CDS2: variants seen among roughly 807,000 people sequenced by gnomAD.
The protein encoded by CDS2 is CDP-diacylglycerol synthase 2.
A neutral mutation model predicts 59.0 loss-of-function variants in CDS2; 47 were observed. That is an observed-to-expected ratio of 0.80 (90% CI 0.63 to 1.02). The LOEUF is 1.02. Ranked by LOEUF, CDS2 falls within the 50% of genes least tolerant of loss-of-function variation. CDS2 has a pLI of 0.00. For missense variants in CDS2, 356 were observed against 558.9 expected, an observed-to-expected ratio of 0.64 and a Z score of 3.66; for synonymous variants, 207 against 206.4, an observed-to-expected ratio of 1.00 and a Z score of -0.02.
At chr20:5,136,329 G>A (rs1012407050) in intron 1 of CDS2, among the ~76,000 whole-genome samples, 31 of 152,210 alleles carry the variant, frequency 2.0e-4, no homozygotes, top group East Asian at 1.2e-3. Context: ...CAGATGACTC[G>A]GTTACTCAGG....
intron 1 of CDS2, among the ~76,000 whole-genome samples, chr20:5,153,843 T>G (rs79491594): frequency 0.015 from 2,315 of 152,258 alleles, 62 homozygotes; most frequent in African/African-American, 0.052. Flanking sequence ...TGTTTTTGGT[T>G]TGTGTTTTTG....
intron 2 of CDS2, among the ~76,000 whole-genome samples, chr20:5,174,371 C>G (rs2090978743): frequency 6.6e-6 from 1 of 152,150 alleles, no homozygotes; most frequent in South Asian, 2.1e-4. Flanking sequence ...ACCTGTGCCT[C>G]CATTTCCTCA....
Position 5,127,044 on chromosome 20 carries a change from C to T in CDS2, c.-49C>T, listed in dbSNP as rs1166187617. ...CGTGCCCGCGCCGAGCTGCCTGCTC[C>T]GGCGGCTTCGCTGCTAGCTCGCGGC... On this transcript the variant is annotated 5_prime_UTR_variant, in exon 1 of 13. Transcript: ENST00000460006. 2 of 1,475,510 alleles carry T rather than the reference C, an allele frequency of 1.4e-6. No individual in the cohort carries two copies. The highest frequency in any genetic ancestry group is 1.5e-5 in the African/African-American group (1 of 67,958). 91.4% of individuals were successfully genotyped at this position (1,475,510 alleles called of 1,614,324 possible).
intron 1 of CDS2, among the ~76,000 whole-genome samples, chr20:5,144,058 C>T (rs946013437): frequency 6.6e-6 from 1 of 152,106 alleles, no homozygotes. Flanking sequence ...AGCCACCACG[C>T]CCCCGCCTGC....
At chr20:5,143,624 T>C (rs1036198293) in intron 1 of CDS2, among the ~76,000 whole-genome samples, 2 of 148,952 alleles carry the variant, frequency 1.3e-5, no homozygotes, top group Non-Finnish European at 3.0e-5. Flanking sequence ...CTTCTTCTTC[T>C]TCTTCTTTTT....
chr20:5,147,452 C>T (rs1379899404), intron 1 of CDS2, among the ~76,000 whole-genome samples: 2 of 152,150 alleles, frequency 1.3e-5, no homozygotes, highest in African/African-American at 2.4e-5. Context: ...TAGTGGAGCC[C>T]AGGAGAGCAC....
chr20:5,190,414 A>G lies in CDS2; in HGVS notation c.*180A>G. The stretch of plus-strand genomic sequence containing the variant: ...ATCTGTATATACAGTCTATGTGTTT[A>G]GAATTTGTGTTGTAAGTAAACTACA... On this transcript the variant is annotated 3_prime_UTR_variant, in exon 13 of 13. Coordinates refer to ENST00000460006, the MANE Select transcript of CDS2 (RefSeq NM_003818.4). 1 of 481,320 alleles carries G rather than the reference A, an allele frequency of 2.1e-6. No homozygotes were observed. Among genetic ancestry groups the G allele is most frequent in the Non-Finnish European group, 3.5e-6 (1 of 282,642 alleles). The allele number at this position is 481,320 out of a possible 1,614,324, so 29.8% of individuals were successfully genotyped here.
At chr20:5,157,762 T>C (rs2090844436) in intron 1 of CDS2, among the ~76,000 whole-genome samples, 1 of 152,178 alleles carries the variant, frequency 6.6e-6, no homozygotes. Context: ...GGGTTCAGCC[T>C]CATGACCTAA....
intron 1 of CDS2, among the ~76,000 whole-genome samples, chr20:5,159,252 G>C (rs2090857475): frequency 6.6e-6 from 1 of 151,542 alleles, no homozygotes; most frequent in Admixed American, 6.6e-5. Flanking sequence ...ATGTATACAT[G>C]TGCCATGTTG....
rs1044918811 is a variant in CDS2, at chr20:5,192,644, A to C, written c.*2410A>C. 6.6e-6 allele frequency: 1 copy of C among 152,160 alleles called. No individual in the cohort carries two copies. The highest frequency in any genetic ancestry group is 1.5e-5 in the Non-Finnish European group (1 of 68,012). The allele number at this position is 152,160 out of a possible 1,614,324, so 9.4% of individuals were successfully genotyped here. A position where few individuals can be genotyped will look rare whatever the true frequency, so the allele number is the denominator to read the frequency against. The stretch of plus-strand genomic sequence containing the variant: ...CCCATTTTTTTTTTATTGGTCAGAA[A>C]TAAAATGTGACTGCAACTGTGTGCC... On this transcript the variant is annotated 3_prime_UTR_variant, in exon 13 of 13. Coordinates refer to ENST00000460006, the MANE Select transcript of CDS2 (RefSeq NM_003818.4).
At chr20:5,176,045 A>T (rs2090992661) in intron 3 of CDS2, 1 of 153,704 alleles carries the variant, frequency 6.5e-6, no homozygotes, top group Non-Finnish European at 1.4e-5. Flanking sequence ...CTTTTCAAGT[A>T]TTCAGAGTCA....
In CDS2 at chr20:5,182,463, G is replaced by T. The variant is rs181635703; in HGVS notation, c.588+18G>T. 5.6e-6 allele frequency: 9 copies of T among 1,598,304 alleles called. No individual in the cohort carries two copies. The highest frequency in any genetic ancestry group is 4.5e-5 in the East Asian group (2 of 44,518). Reference sequence around the variant, plus strand: ...TCTACATGGTAAAGGAAATGCATGCGTGTGTGTCAGAATTCTTGATTTAAA... The same window carrying T: ...TCTACATGGTAAAGGAAATGCATGCTTGTGTGTCAGAATTCTTGATTTAAA... On this transcript the variant is annotated intron_variant, in intron 6 of 12. Transcript: ENST00000460006.
At chr20:5,136,442 G>C (rs2090650695) in intron 1 of CDS2, among the ~76,000 whole-genome samples, 1 of 152,140 alleles carries the variant, frequency 6.6e-6, no homozygotes, top group Non-Finnish European at 1.5e-5. Flanking sequence ...TTGTCTGTTT[G>C]TTGCTCTTGG....
rs899022639 is a variant in CDS2, at chr20:5,195,328, G to A, written c.*5094G>A. On this transcript the variant is annotated 3_prime_UTR_variant, in exon 13 of 13. Transcript: ENST00000460006. Reference sequence around the variant, plus strand: ...GTCTGGGTCCCTCCGAGAGAAGCACGCCAACCTTAACATCCCCTACAGCAT... The same window carrying A: ...GTCTGGGTCCCTCCGAGAGAAGCACACCAACCTTAACATCCCCTACAGCAT... 4 of 152,302 alleles carry A rather than the reference G, an allele frequency of 2.6e-5. No individual in the cohort carries two copies. Among genetic ancestry groups the A allele is most frequent in the Admixed American group, 1.3e-4 (2 of 15,268 alleles). The allele number at this position is 152,302 out of a possible 1,614,324, so 9.4% of individuals were successfully genotyped here.
Position 5,127,149 on chromosome 20 carries a change from G to A in CDS2, c.57G>A (p.Lys19=). The A allele has an allele frequency of 4.7e-6, 7 of 1,491,664 alleles. No homozygotes were observed. The highest frequency in any genetic ancestry group is 6.3e-6 in the Non-Finnish European group (7 of 1,119,224). The allele number at this position is 1,491,664 out of a possible 1,614,324, so 92.4% of individuals were successfully genotyped here. A position where few individuals can be genotyped will look rare whatever the true frequency, so the allele number is the denominator to read the frequency against. ...AHEPVAPPED[K]ESESEAKVDG... is the part of the protein sequence containing the mutation. ...AGCCGGTTGCGCCACCCGAGGACAAGGTAGCGGCAGCGTCGGGGTGGGCGC... is the reference window on the plus strand; with the variant it reads ...AGCCGGTTGCGCCACCCGAGGACAAAGTAGCGGCAGCGTCGGGGTGGGCGC... The change falls in exon 1 of 13, where the codon AAG becomes AAA. Residue 19 remains lysine, a splice_region_variant and synonymous_variant. Coordinates refer to ENST00000460006, the MANE Select transcript of CDS2 (RefSeq NM_003818.4).
intron 5 of CDS2, among the ~76,000 whole-genome samples, 165 bp downstream of exon 5, chr20:5,179,121 C>CTT (rs34544851): frequency 0.072 from 9,330 of 130,184 alleles, 486 homozygotes; most frequent in Middle Eastern, 0.15. Flanking sequence ...CAGCTGTTAC[C>CTT]TTTTTTTTTT....
chr20:5,171,845 C>A (rs2090958362), intron 1 of CDS2, among the ~76,000 whole-genome samples: 1 of 152,200 alleles, frequency 6.6e-6, no homozygotes. Context: ...GAGTAGGGAG[C>A]AGTCTGTGTC....
intron 1 of CDS2, among the ~76,000 whole-genome samples, chr20:5,135,752 A>G (rs2090645144): frequency 6.6e-6 from 1 of 152,156 alleles, no homozygotes; most frequent in Non-Finnish European, 1.5e-5. Flanking sequence ...CCTTTTGAAG[A>G]AAGTTAAACT....
At chr20:5,143,611 T>C (rs2090713632) in intron 1 of CDS2, among the ~76,000 whole-genome samples, 2 of 150,834 alleles carry the variant, frequency 1.3e-5, no homozygotes, top group Non-Finnish European at 2.9e-5. Context: ...TCTTTTTCTT[T>C]TTCTTCTTCT....
Sources: allele counts gnomAD v4.1 joint callset (sites outside exome capture counted in the v4.1 genomes callset), GRCh38; gene constraint gnomAD v4.1.1; transcripts MANE v1.5; gene names NCBI Gene and HGNC (gene_info 2026-07-23, HGNC 2026-07-21).